Variants in LTBP1 observed in about 807,000 individuals in gnomAD.
LTBP1 encodes the protein latent transforming growth factor beta binding protein 1.
In LTBP1, 129 loss-of-function variants were observed where a neutral mutation model predicts 207.6. The ratio of observed to expected loss-of-function variants is 0.62; its 90% CI spans 0.54 to 0.72. The LOEUF (loss-of-function observed/expected upper bound fraction) is 0.72, where lower values mean the gene tolerates loss of function less well. Among genes scored for constraint, LTBP1 ranks in the 30% least tolerant of loss-of-function variants. The pLI, the probability that LTBP1 is intolerant of heterozygous loss-of-function variation, is 0.00. For missense variants in LTBP1, 2,281 were observed against 2,217.2 expected, an observed-to-expected ratio of 1.03 and a Z score of -0.58; for synonymous variants, 963 against 833.7, an observed-to-expected ratio of 1.16 and a Z score of -2.67.
chr2:33,366,348 G>A (rs534370770), intron 31 of LTBP1, among the ~76,000 whole-genome samples: 14 of 152,222 alleles, frequency 9.2e-5, no homozygotes, highest in Non-Finnish European at 2.1e-4. Flanking sequence ...GAATGGTCGA[G>A]AGGGGAAAAA....
intron 7 of LTBP1, among the ~76,000 whole-genome samples, chr2:33,194,495 T>A (rs1410571462): frequency 6.6e-6 from 1 of 152,102 alleles, no homozygotes; most frequent in Non-Finnish European, 1.5e-5. Context: ...ATACGGAGAA[T>A]GTTTGAGAGA....
Position 32,948,872 on chromosome 2 carries a change from C to T in LTBP1, c.495-3C>T. The T allele has an allele frequency of 1.2e-6, 2 of 1,614,086 alleles. No individual in the cohort carries two copies. Among genetic ancestry groups the T allele is most frequent in the African/African-American group, 1.3e-5 (1 of 75,038 alleles). The stretch of plus-strand genomic sequence containing the variant: ...TGGACTCAGCGATCTTGCTTTGTTT[C>T]AGGGTCAATGTCTGTGGAGGGCGGT... On this transcript the variant is annotated splice_polypyrimidine_tract_variant and splice_region_variant and intron_variant, in intron 1 of 33. Transcript: ENST00000404816.
chr2:33,154,935 T>TCC (rs2083844282), intron 5 of LTBP1, among the ~76,000 whole-genome samples: 2 of 152,102 alleles, frequency 1.3e-5, no homozygotes, highest in African/African-American at 4.8e-5. Context: ...TGGTGGTGGG[T>TCC]GCCTGTAAGT....
chr2:32,961,333 G>A (rs1180663808), intron 2 of LTBP1, among the ~76,000 whole-genome samples: 1 of 152,184 alleles, frequency 6.6e-6, no homozygotes, highest in Non-Finnish European at 1.5e-5. Flanking sequence ...GAAAGTGTGA[G>A]GGTGAAGAAA....
At chr2:33,053,552 A>G (rs77992161) in intron 3 of LTBP1, among the ~76,000 whole-genome samples, 1 of 151,996 alleles carries the variant, frequency 6.6e-6, no homozygotes, top group African/African-American at 2.4e-5. Flanking sequence ...CTAGATGAGT[A>G]TTTGCCGTCT....
intron 3 of LTBP1, among the ~76,000 whole-genome samples, chr2:33,049,920 C>CA (rs1297107973): frequency 2.6e-5 from 4 of 151,728 alleles, no homozygotes; most frequent in Non-Finnish European, 4.4e-5. Flanking sequence ...CAGCTCACTG[C>CA]AGCCTGGGAC....
intron 5 of LTBP1, among the ~76,000 whole-genome samples, chr2:33,159,342 C>G (rs981698045): frequency 1.3e-5 from 2 of 152,176 alleles, no homozygotes; most frequent in East Asian, 3.8e-4. Context: ...CCCAGCCAAT[C>G]CAGCAGCCAC....
intron 3 of LTBP1, among the ~76,000 whole-genome samples, chr2:33,080,096 G>C (rs12476104): frequency 6.6e-6 from 1 of 151,716 alleles, no homozygotes; most frequent in Middle Eastern, 3.2e-3. Flanking sequence ...GTATGATCTC[G>C]GCTCACTGCA....
intron 3 of LTBP1, among the ~76,000 whole-genome samples, chr2:33,083,249 A>G (rs1365616620): frequency 6.6e-6 from 1 of 151,972 alleles, no homozygotes; most frequent in Non-Finnish European, 1.5e-5. Context: ...CTTTCAGGTC[A>G]TACCCGTCTC....
At chr2:33,166,175 G>T (rs915330365) in intron 5 of LTBP1, among the ~76,000 whole-genome samples, 1 of 150,762 alleles carries the variant, frequency 6.6e-6, no homozygotes, top group Non-Finnish European at 1.5e-5. Flanking sequence ...ATAAGTGATT[G>T]TATTTTGTAA....
At chr2:33,385,141 A>G (rs2095254987) in intron 31 of LTBP1, among the ~76,000 whole-genome samples, 1 of 152,216 alleles carries the variant, frequency 6.6e-6, no homozygotes, top group Non-Finnish European at 1.5e-5. Context: ...TTATCACTGC[A>G]CAACCAAGTA....
chr2:33,081,869 T>C (rs219095), intron 3 of LTBP1, among the ~76,000 whole-genome samples: 134,564 of 152,170 alleles, frequency 0.88, 61,599 homozygotes, highest in East Asian at 1. Context: ...CTGTGCTCGG[T>C]ACTTCTCTTC....
chr2:33,121,419 G>A (rs2081112745), intron 4 of LTBP1, among the ~76,000 whole-genome samples: 1 of 152,122 alleles, frequency 6.6e-6, no homozygotes, highest in Non-Finnish European at 1.5e-5. Flanking sequence ...GCAGGTGAAA[G>A]GGCGGTGGTC....
At chr2:33,280,710 C>G (rs1288534843) in intron 19 of LTBP1, among the ~76,000 whole-genome samples, 1 of 152,186 alleles carries the variant, frequency 6.6e-6, no homozygotes, top group African/African-American at 2.4e-5. Context: ...TACCAAAACT[C>G]TGAATATGTG....
At chr2:33,239,640 C>T (rs1229345842) in intron 9 of LTBP1, among the ~76,000 whole-genome samples, 1 of 151,588 alleles carries the variant, frequency 6.6e-6, no homozygotes, top group Non-Finnish European at 1.5e-5. Context: ...CTTTGGGAGG[C>T]TGAGCACTTT....
At chr2:33,269,475 A>G (rs1183674896) in intron 15 of LTBP1, among the ~76,000 whole-genome samples, 1 of 152,224 alleles carries the variant, frequency 6.6e-6, no homozygotes, top group Non-Finnish European at 1.5e-5. Flanking sequence ...GAGAGAGTCC[A>G]GTGGGGAGCA....
chr2:33,355,588 C>T (rs2094848273), intron 26 of LTBP1, among the ~76,000 whole-genome samples: 1 of 152,142 alleles, frequency 6.6e-6, no homozygotes, highest in Non-Finnish European at 1.5e-5. Flanking sequence ...ATACAGAGGG[C>T]TGGGCCCACT....
intron 5 of LTBP1, among the ~76,000 whole-genome samples, chr2:33,165,587 G>A (rs1481999514): frequency 6.6e-5 from 10 of 152,306 alleles, no homozygotes; most frequent in Middle Eastern, 6.8e-3. Context: ...GACCTACAAC[G>A]GAACTGAGAT....
At chr2:33,334,272 G>C (rs917756589) in intron 24 of LTBP1, among the ~76,000 whole-genome samples, 5 of 152,230 alleles carry the variant, frequency 3.3e-5, no homozygotes, top group Admixed American at 1.3e-4. Context: ...CAGGGGCAGA[G>C]GCCACATGGA....
Sources: gnomAD v4.1 joint callset for allele counts (sites outside exome capture counted in the v4.1 genomes callset) on GRCh38, gnomAD v4.1.1 for gene constraint, MANE v1.5 for transcripts, NCBI Gene and HGNC (gene_info 2026-07-23, HGNC 2026-07-21) for gene names.